FAM180A: variants seen among roughly 807,000 people sequenced by gnomAD.
The protein encoded by FAM180A is protein FAM180A.
A neutral mutation model predicts 15.3 loss-of-function variants in FAM180A; 14 were observed. The observed-to-expected ratio is 0.92, with a 90% CI of 0.61 to 1.43. FAM180A has a LOEUF of 1.43. FAM180A is among the 40% of genes most tolerant of loss of function. FAM180A has a pLI of 0.00. For missense variants in FAM180A, 200 were observed against 220.8 expected (o/e 0.91, Z 0.60); for synonymous variants, 90 against 96.8 (o/e 0.93, Z 0.41).
chr7:135,731,586 T>A (rs1796783207), intron 3 of FAM180A, among the ~76,000 whole-genome samples: 1 of 151,972 alleles, frequency 6.6e-6, no homozygotes, highest in African/African-American at 2.4e-5. Flanking sequence ...TCAGAGAGAA[T>A]ATGTACATTT....
chr7:135,748,214 A>C (rs1797058460), intron 1 of FAM180A, among the ~76,000 whole-genome samples: 1 of 152,120 alleles, frequency 6.6e-6, no homozygotes, highest in African/African-American at 2.4e-5. Context: ...AGTCGAAGAA[A>C]TGAGTTCTAC....
chr7:135,742,963 C>A (rs1344455661), intron 1 of FAM180A, among the ~76,000 whole-genome samples: 1 of 152,188 alleles, frequency 6.6e-6, no homozygotes, highest in Non-Finnish European at 1.5e-5. Context: ...GATAAGTGAA[C>A]AATGCTCCTT....
chr7:135,745,956 T>G (rs984919929), intron 1 of FAM180A, among the ~76,000 whole-genome samples: 7 of 152,192 alleles, frequency 4.6e-5, no homozygotes, highest in Admixed American at 1.3e-4. Context: ...CTATTCAGTC[T>G]TGAAAAAAAA....
intron 1 of FAM180A, among the ~76,000 whole-genome samples, chr7:135,739,906 G>A (rs1158229472): frequency 1.3e-5 from 2 of 152,146 alleles, no homozygotes; most frequent in East Asian, 1.9e-4. Flanking sequence ...GGCTTCCGGG[G>A]TGTGCGCTGG....
At chr7:135,735,838 G>A (rs1796862046) in intron 2 of FAM180A, among the ~76,000 whole-genome samples, 1 of 151,978 alleles carries the variant, frequency 6.6e-6, no homozygotes, top group African/African-American at 2.4e-5. Context: ...AAGTAGCTGG[G>A]ATTACAGGTG....
chr7:135,736,942 G>A (rs1038391326), intron 2 of FAM180A, among the ~76,000 whole-genome samples, 157 bp downstream of exon 2: 3 of 152,212 alleles, frequency 2.0e-5, no homozygotes, highest in African/African-American at 7.2e-5. Context: ...TTATGAATGA[G>A]TAGGTTCTAT....
chr7:135,732,191 T>C (rs1796792973), intron 3 of FAM180A, among the ~76,000 whole-genome samples: 1 of 152,144 alleles, frequency 6.6e-6, no homozygotes, highest in Non-Finnish European at 1.5e-5. Flanking sequence ...TATGCTCTAA[T>C]AGCCTGACAG....
chr7:135,748,689 C>T lies in FAM180A; in HGVS notation c.-109G>A, dbSNP rs1584756179. The T allele has an allele frequency of 4.7e-6, 4 of 855,814 alleles. No homozygotes were observed. In the Admixed American group the frequency reaches 7.4e-5, roughly 16 times the overall value. 53.0% of individuals were successfully genotyped at this position (855,814 alleles called of 1,614,324 possible). A position where few individuals can be genotyped will look rare whatever the true frequency, so the allele number is the denominator to read the frequency against. On this transcript the variant is annotated 5_prime_UTR_variant, in exon 1 of 4. Transcript: ENST00000338588. ...GTGAGATGATGGAGTGCTTCCCTCC[C>T]TTCCTTTTGCAGACGTGCAGAAATG...
intron 3 of FAM180A, among the ~76,000 whole-genome samples, chr7:135,732,689 TCACACACACACACACACACA>T (rs143588470): frequency 0.087 from 12,370 of 141,920 alleles, 792 homozygotes; most frequent in African/African-American, 0.18. Flanking sequence ...CGAGACTCCA[TCACACACACACACACACACA>T]CACACACACA....
chr7:135,730,904 C>G (rs1796771286), intron 3 of FAM180A, among the ~76,000 whole-genome samples: 1 of 152,008 alleles, frequency 6.6e-6, no homozygotes, highest in Non-Finnish European at 1.5e-5. Flanking sequence ...TTTTAAGACT[C>G]TAGTTACTGA....
chr7:135,748,470 G>A (rs1283796499), intron 1 of FAM180A, 35 bp downstream of exon 1: 2 of 1,546,390 alleles, frequency 1.3e-6, no homozygotes, highest in Admixed American at 1.7e-5. Context: ...AGTATAATGA[G>A]CATCAAACAA....
intron 1 of FAM180A, among the ~76,000 whole-genome samples, chr7:135,743,802 C>A (rs959403747): frequency 1.3e-5 from 2 of 152,162 alleles, no homozygotes; most frequent in Non-Finnish European, 2.9e-5. Context: ...TAGTATCATG[C>A]CCCTTCCTGT....
At chr7:135,747,816 G>A (rs1296807666) in intron 1 of FAM180A, among the ~76,000 whole-genome samples, 2 of 152,150 alleles carry the variant, frequency 1.3e-5, no homozygotes, top group Non-Finnish European at 2.9e-5. Flanking sequence ...ATAAACTCTG[G>A]CTCGAGGTGC....
At chr7:135,748,454 G>A in intron 1 of FAM180A, 51 bp downstream of exon 1, 4 of 1,480,032 alleles carry the variant, frequency 2.7e-6, no homozygotes, top group Non-Finnish European at 2.8e-6. Context: ...GAATTGCATT[G>A]AAGAAAGTAT....
At position 135,733,702 on chromosome 7, in the gene FAM180A, T is replaced by C. The variant is rs2129495910; in HGVS notation, c.*273A>G. On this transcript the variant is annotated 3_prime_UTR_variant, in exon 3 of 4. Transcript: ENST00000338588. ...TCTGGGTTGAAGCATATCAGAATTCTGCCTGCCATAGGCAAACCATTCTGC... is the reference window on the plus strand; with the variant it reads ...TCTGGGTTGAAGCATATCAGAATTCCGCCTGCCATAGGCAAACCATTCTGC... The C allele has an allele frequency of 8.0e-7, 1 of 1,249,736 alleles. No individual in the cohort carries two copies. Among genetic ancestry groups the C allele is most frequent in the East Asian group, 3.6e-5 (1 of 27,986 alleles). The allele number at this position is 1,249,736 out of a possible 1,614,324, so 77.4% of individuals were successfully genotyped here. A position where few individuals can be genotyped will look rare whatever the true frequency, so the allele number is the denominator to read the frequency against.
chr7:135,748,517 T>C lies in FAM180A; in HGVS notation c.64A>G (p.Arg22Gly). 1 of 1,613,718 alleles carries C rather than the reference T, an allele frequency of 6.2e-7. No homozygotes were observed. The highest frequency in any genetic ancestry group is 8.5e-7 in the Non-Finnish European group (1 of 1,179,584). Reference sequence around the variant, plus strand: ...AAAAGCAACTCACCCCTGCTCCACCTGTGGCACATAGAAGCCTCAGCATTG... The same window carrying C: ...AAAAGCAACTCACCCCTGCTCCACCCGTGGCACATAGAAGCCTCAGCATTG... ...YYNAEASMCH[R>G]WSRAVLFPAA... Residue 22 changes from arginine (R) to glycine (G), a missense_variant, in exon 1 of 4, where the codon AGG (arginine) becomes GGG (glycine). Transcript: ENST00000338588.
chr7:135,747,075 G>A (rs767468641), intron 1 of FAM180A, among the ~76,000 whole-genome samples: 14 of 152,146 alleles, frequency 9.2e-5, no homozygotes, highest in Non-Finnish European at 1.6e-4. Context: ...ATTCCAGCCT[G>A]GGCAACAGAG....
Position 135,733,970 on chromosome 7 carries a change from G to T in FAM180A, c.*5C>A, listed in dbSNP as rs765917397. ...TGCTCTGAGGTCCTGGTGTGGGCCA[G>T]TCTCTCAGGGAGGTACTCCCGGCTG... On this transcript the variant is annotated 3_prime_UTR_variant, in exon 3 of 4. Coordinates refer to ENST00000338588, the MANE Select transcript of FAM180A (RefSeq NM_205855.4). 3.2e-6 allele frequency: 5 copies of T among 1,585,296 alleles called. No individual in the cohort carries two copies. In the African/African-American group the frequency reaches 5.4e-5, roughly 17 times the overall value.
At chr7:135,746,105 TA>T (rs558212038) in intron 1 of FAM180A, among the ~76,000 whole-genome samples, 87 of 152,268 alleles carry the variant, frequency 5.7e-4, no homozygotes, top group African/African-American at 1.9e-3. Flanking sequence ...CTTGAGCCAT[TA>T]ATCTAGCACG....
Sources: allele counts gnomAD v4.1 joint callset (sites outside exome capture counted in the v4.1 genomes callset), GRCh38; gene constraint gnomAD v4.1.1; transcripts MANE v1.5; gene names NCBI Gene and HGNC (gene_info 2026-07-23, HGNC 2026-07-21).